The following TRPV5 variants were observed in gnomAD, a reference collection of about 807,000 sequenced individuals.
TRPV5 encodes the protein calcium transport protein 2.
A neutral mutation model predicts 74.1 loss-of-function variants in TRPV5; 66 were observed. The observed-to-expected ratio is 0.89, with a 90% CI of 0.73 to 1.09. The LOEUF (loss-of-function observed/expected upper bound fraction) is 1.09. Among genes scored for constraint, TRPV5 ranks in the 50% least tolerant of loss-of-function variants. TRPV5 has a pLI of 0.00. For synonymous variants in TRPV5, 399 were observed against 360.7 expected (o/e 1.11, Z -1.20); for missense variants, 936 against 930.4 (o/e 1.01, Z -0.08).
At position 142,908,193 on chromosome 7, in the gene TRPV5, T is replaced by C. The variant is rs572078478; in HGVS notation, c.*321A>G. The C allele has an allele frequency of 8.9e-5, 35 of 391,936 alleles. No homozygotes were observed. The highest frequency in any genetic ancestry group is 4.8e-4 in the African/African-American group (24 of 49,822). The allele number at this position is 391,936 out of a possible 1,614,324, so 24.3% of individuals were successfully genotyped here. A position where few individuals can be genotyped will look rare whatever the true frequency, so the allele number is the denominator to read the frequency against. ...AAAAGCCTCACAGCTTACTACTTTC[T>C]AGGGGCTGCGTGGGGCAGAAGAGAA... On this transcript the variant is annotated 3_prime_UTR_variant, in exon 15 of 15. Coordinates refer to ENST00000265310, the MANE Select transcript of TRPV5 (RefSeq NM_019841.7).
At chr7:142,929,915 C>T (rs913852271) in intron 3 of TRPV5, 143 bp downstream of exon 3, 8 of 1,337,494 alleles carry the variant, frequency 6.0e-6, no homozygotes, top group Middle Eastern at 1.8e-4. Flanking sequence ...AGGACCTTTG[C>T]ATTTCTCCCA....
At position 142,916,634 on chromosome 7, in the gene TRPV5, C is replaced by T. The variant is rs543220877; in HGVS notation, c.1123-1066G>A. 2.0e-5 allele frequency among the ~76,000 whole-genome samples: 3 copies of T among 152,310 alleles called. No individual in the cohort carries two copies. In the East Asian group the frequency reaches 5.8e-4, roughly 29 times the overall value. On this transcript the variant is annotated intron_variant, in intron 8 of 14. Transcript: ENST00000265310. ...GAAAGGAGTTGAGAGTCCCCTGGGG[C>T]CAGCAGGAAAGCTGATGATTTGAGC...
chr7:142,932,312 G>A (rs1796110130), intron 1 of TRPV5, among the ~76,000 whole-genome samples: 1 of 152,172 alleles, frequency 6.6e-6, no homozygotes, highest in South Asian at 2.1e-4. Context: ...AGACCCAGGG[G>A]TCCCACTCTA....
chr7:142,913,355 C>T (rs943407723), intron 12 of TRPV5, among the ~76,000 whole-genome samples: 5 of 152,198 alleles, frequency 3.3e-5, no homozygotes, highest in African/African-American at 1.2e-4. Context: ...TGAAAGCCTC[C>T]TCACTGCATA....
chr7:142,924,918 C>T (rs1309408561), intron 8 of TRPV5: 1 of 156,436 alleles, frequency 6.4e-6, no homozygotes, highest in East Asian at 1.9e-4. Context: ...CGAATCAGTC[C>T]TCTTCCTAAC....
At chr7:142,917,560 G>T (rs1207888668) in intron 8 of TRPV5, among the ~76,000 whole-genome samples, 3 of 152,136 alleles carry the variant, frequency 2.0e-5, no homozygotes, top group Non-Finnish European at 4.4e-5. Flanking sequence ...TCTAATGCTG[G>T]GGACAGTTTT....
At chr7:142,928,533 T>A (rs1053794352) in intron 6 of TRPV5, among the ~76,000 whole-genome samples, 158 bp downstream of exon 6, 1 of 152,180 alleles carries the variant, frequency 6.6e-6, no homozygotes. Flanking sequence ...AAGATTTCAG[T>A]GATGGAATAG....
Position 142,930,535 on chromosome 7 carries a change from A to G in TRPV5, c.129-89T>C. 4 of 961,576 alleles carry G rather than the reference A, an allele frequency of 4.2e-6. No homozygotes were observed. The South Asian group carries it at 5.2e-5, about 12-fold the overall frequency. 59.6% of individuals were successfully genotyped at this position (961,576 alleles called of 1,614,324 possible). Reference sequence around the variant, plus strand: ...GGGATCTAAGACATTCTTTAAGACCAACGTGACTCACACAGCGTGCAGTGA... The same window carrying G: ...GGGATCTAAGACATTCTTTAAGACCGACGTGACTCACACAGCGTGCAGTGA... On this transcript the variant is annotated intron_variant, in intron 1 of 14. Coordinates refer to ENST00000265310, the MANE Select transcript of TRPV5 (RefSeq NM_019841.7).
intron 13 of TRPV5, among the ~76,000 whole-genome samples, 181 bp from the exon 14 acceptor site, chr7:142,909,777 C>A (rs1795676442): frequency 6.6e-6 from 1 of 152,234 alleles, no homozygotes; most frequent in South Asian, 2.1e-4. Flanking sequence ...ACCAGCTTCA[C>A]TCATCAAGAA....
At chr7:142,926,816 G>GT (rs943982278) in intron 7 of TRPV5, among the ~76,000 whole-genome samples, 3 of 152,300 alleles carry the variant, frequency 2.0e-5, no homozygotes, top group African/African-American at 7.2e-5. Flanking sequence ...TGCTCAAAGT[G>GT]TATCTGTTTC....
intron 2 of TRPV5, 54 bp downstream of exon 2, chr7:142,930,295 A>G: frequency 6.2e-7 from 1 of 1,607,930 alleles, no homozygotes; most frequent in South Asian, 1.1e-5. Flanking sequence ...AGTCTTGGGG[A>G]GGAGGAGTAG....
At chr7:142,911,107 G>C (rs939939496) in intron 13 of TRPV5, among the ~76,000 whole-genome samples, 7 of 152,144 alleles carry the variant, frequency 4.6e-5, no homozygotes, top group African/African-American at 1.4e-4. Flanking sequence ...AACGTGAGTG[G>C]GGCCCTCGGA....
Position 142,914,898 on chromosome 7 carries a change from T to A in TRPV5, c.1435A>T (p.Thr479Ser). ...TRGFQMLGPF[T>S]IMIQKMIFGD... is the part of the protein sequence containing the mutation. ...GCACTGACCTTCTGGATCATGATGGTGAAGGGACCCAGCATCTGGAATCCT... is the reference window on the plus strand; with the variant it reads ...GCACTGACCTTCTGGATCATGATGGAGAAGGGACCCAGCATCTGGAATCCT... The change falls in exon 11 of 15, where the codon ACC becomes TCC. Residue 479 changes from threonine (T) to serine (S), a missense_variant. Coordinates refer to ENST00000265310, the MANE Select transcript of TRPV5 (RefSeq NM_019841.7). 3 of 1,614,010 alleles carry A rather than the reference T, an allele frequency of 1.9e-6. No individual in the cohort carries two copies. The highest frequency in any genetic ancestry group is 2.5e-6 in the Non-Finnish European group (3 of 1,179,986).
chr7:142,924,364 GTATATATATACATATATA>G (rs1563375084), intron 8 of TRPV5, among the ~76,000 whole-genome samples: 3 of 14,728 alleles, frequency 2.0e-4, no homozygotes, highest in African/African-American at 3.3e-4. Context: ...ACATATACAT[GTATATATATACATATATA>G]TATATATATA....
chr7:142,921,241 C>T (rs565275531), intron 8 of TRPV5, among the ~76,000 whole-genome samples: 59 of 152,320 alleles, frequency 3.9e-4, no homozygotes, highest in African/African-American at 1.4e-3. Context: ...AATCCCTTCC[C>T]TCTATCTCCC....
intron 3 of TRPV5, 85 bp downstream of exon 3, chr7:142,929,973 C>T: frequency 6.3e-7 from 1 of 1,596,738 alleles, no homozygotes. Context: ...CACCCCAACC[C>T]ATCCTTCAGA....
rs997426962 is a variant in TRPV5 at position 142,928,740 on chromosome 7, T to C, written c.713A>G (p.His238Arg). 1 of 1,614,144 alleles carries C rather than the reference T, an allele frequency of 6.2e-7. No homozygotes were observed. Among genetic ancestry groups the C allele is most frequent in the South Asian group, 1.1e-5 (1 of 91,076 alleles). ...CAGCTTGAAGGGGGTGAGACCCTGG[T>C]GATTGGGCACAAGGTCCAGGGGCTG... is the stretch of plus-strand genomic sequence containing the variant. Reference protein sequence around the residue: ...HLQPLDLVPNHQGLTPFKLAG... With the variant: ...HLQPLDLVPNRQGLTPFKLAG... The change falls in exon 6 of 15, where the codon CAC becomes CGC. Residue 238 changes from histidine to arginine, a missense_variant. His to Arg is a conservative substitution (Grantham distance 29). Transcript: ENST00000265310.
Position 142,928,110 on chromosome 7 carries a change from A to T in TRPV5, c.887T>A (p.Val296Glu), listed in dbSNP as rs1284336043. 3 of 1,614,056 alleles carry T rather than the reference A, an allele frequency of 1.9e-6. No homozygotes were observed. The part of the protein sequence containing the change: ...WGEELSFLEL[V>E]VSSDKREARQ... The stretch of plus-strand genomic sequence containing the variant: ...TACCTCTCGTTTATCAGAGGAGACC[A>T]CAAGCTCCAGGAAGGACAGCTCCTC... The change falls in exon 7 of 15, where the codon GTG becomes GAG. Residue 296 changes from valine (V) to glutamate (E), a missense_variant. Transcript: ENST00000265310.
intron 7 of TRPV5, 65 bp from the exon 8 acceptor site, chr7:142,925,806 G>A: frequency 7.0e-7 from 1 of 1,433,224 alleles, no homozygotes; most frequent in Non-Finnish European, 9.7e-7. Context: ...ATCCCACTGG[G>A]GGCCAGAAGA....
Sources: gnomAD v4.1 joint callset for allele counts (sites outside exome capture counted in the v4.1 genomes callset) on GRCh38, gnomAD v4.1.1 for gene constraint, MANE v1.5 for transcripts, NCBI Gene and HGNC (gene_info 2026-07-23, HGNC 2026-07-21) for gene names.